The following FOXK2 variants were observed in gnomAD, a reference collection of about 807,000 sequenced individuals.
FOXK2 encodes forkhead box K2.
A neutral mutation model predicts 53.3 loss-of-function variants in FOXK2; 24 were observed. That is an observed-to-expected ratio of 0.45 (90% CI 0.33 to 0.63). The LOEUF is 0.63. Among genes scored for constraint, FOXK2 ranks in the 30% least tolerant of loss-of-function variants. The pLI is 0.03. For missense variants in FOXK2, 952 were observed against 910.5 expected (o/e 1.05, Z -0.59); for synonymous variants, 505 against 407.1 (o/e 1.24, Z -2.89).
rs8069333 is a variant in FOXK2 at position 82,519,773 on chromosome 17, C to G, written c.-116C>G. On this transcript the variant is annotated 5_prime_UTR_variant, in exon 1 of 9. Coordinates refer to ENST00000335255, the MANE Select transcript of FOXK2 (RefSeq NM_004514.4). ...CGCTCGCTCGCCGGCCGGCGGCCTC[C>G]GCTCGGCCCCCTCCCTCAGCTCCGG... 200,645 of 279,964 alleles carry G rather than the reference C, an allele frequency of 0.72. 72,324 individuals carry two copies. The highest frequency in any genetic ancestry group is 0.84 in the South Asian group (6,232 of 7,422). 17.3% of individuals were successfully genotyped at this position (279,964 alleles called of 1,614,324 possible).
chr17:82,567,634 G>A (rs2044866588), intron 2 of FOXK2, among the ~76,000 whole-genome samples: 1 of 140,314 alleles, frequency 7.1e-6, no homozygotes, highest in Non-Finnish European at 1.5e-5. Context: ...CCACCACCCC[G>A]ACTTTCCCTG....
rs752233524 is a variant in FOXK2, at chr17:82,582,817, G to C, written c.986G>C (p.Gly329Ala). The C allele has an allele frequency of 6.2e-7, 1 of 1,612,922 alleles. No individual in the cohort carries two copies. Among genetic ancestry groups the C allele is most frequent in the Admixed American group, 1.7e-5 (1 of 59,794 alleles). ...VPRSQEEPGK[G>A]SFWRIDPASE... ...CGTTCCCAGGAAGAACCAGGCAAAGGCTCGTTCTGGAGGATAGACCCAGCC... is the reference window on the plus strand; with the variant it reads ...CGTTCCCAGGAAGAACCAGGCAAAGCCTCGTTCTGGAGGATAGACCCAGCC... Residue 329 changes from glycine to alanine, a missense_variant, in exon 5 of 9, where the codon GGC becomes GCC. Around this residue, in one of 5 missense-constraint regions of FOXK2, gnomAD observed 160 missense variants for 214.2 expected, o/e 0.75. Transcript: ENST00000335255.
chr17:82,520,129 G>T lies in FOXK2; in HGVS notation c.241G>T (p.Glu81Ter). ...GAGCTTCATCTCCCGGCGCCACCTC[G>T]AGATCTTCACGCCCCCGGGCGGCGG... Reference protein sequence around the residue: ...HSSFISRRHLEIFTPPGGGGH... With the variant: ...HSSFISRRHL Residue 81 changes from glutamate (E) to a stop codon, truncating the protein, a stop_gained, in exon 1 of 9, where the codon GAG becomes TAG. Coordinates refer to ENST00000335255, the MANE Select transcript of FOXK2 (RefSeq NM_004514.4). LOFTEE classifies it high-confidence loss of function. 1.3e-6 allele frequency: 2 copies of T among 1,536,490 alleles called. No homozygotes were observed. Among genetic ancestry groups the T allele is most frequent in the Non-Finnish European group, 1.8e-6 (2 of 1,142,848 alleles).
intron 8 of FOXK2, among the ~76,000 whole-genome samples, chr17:82,588,964 C>A (rs2045226579): frequency 6.6e-6 from 1 of 150,556 alleles, no homozygotes; most frequent in Non-Finnish European, 1.5e-5. Context: ...GAGGCTGAGG[C>A]AGGAGAATCG....
chr17:82,589,691 C>T (rs1231998842), intron 8 of FOXK2, among the ~76,000 whole-genome samples: 4 of 144,670 alleles, frequency 2.8e-5, no homozygotes, highest in African/African-American at 1.1e-4. Context: ...CCTGTTTCCA[C>T]TCAGGAAGGA....
chr17:82,544,762 G>T (rs1204028355), intron 1 of FOXK2, among the ~76,000 whole-genome samples: 1 of 152,158 alleles, frequency 6.6e-6, no homozygotes, highest in Non-Finnish European at 1.5e-5. Flanking sequence ...GCAAGTCGCT[G>T]TGGGAGGGGT....
intron 1 of FOXK2, among the ~76,000 whole-genome samples, chr17:82,541,631 C>T (rs1238049321): frequency 6.6e-6 from 1 of 152,068 alleles, no homozygotes; most frequent in East Asian, 1.9e-4. Context: ...TCAGATATGA[C>T]ACTCAAATGA....
chr17:82,579,174 C>G (rs1004869382), intron 4 of FOXK2, among the ~76,000 whole-genome samples: 1 of 152,184 alleles, frequency 6.6e-6, no homozygotes, highest in Admixed American at 6.5e-5. Context: ...ATATTACCAT[C>G]GTGTGGGTTT....
chr17:82,577,462 G>A (rs1045522626), intron 4 of FOXK2: 9 of 348,618 alleles, frequency 2.6e-5, no homozygotes, highest in African/African-American at 1.3e-4. Flanking sequence ...GCGGGCGGCC[G>A]GGTTAAGGTC....
intron 1 of FOXK2, among the ~76,000 whole-genome samples, chr17:82,562,373 G>A (rs939129176): frequency 3.9e-5 from 6 of 152,198 alleles, no homozygotes; most frequent in African/African-American, 1.4e-4. Flanking sequence ...GTGAGGTCGC[G>A]AGTTCGAGAC....
At chr17:82,523,356 C>T (rs149704800) in intron 1 of FOXK2, among the ~76,000 whole-genome samples, 1 of 152,216 alleles carries the variant, frequency 6.6e-6, no homozygotes, top group Non-Finnish European at 1.5e-5. Context: ...TATTTCAGCA[C>T]TTCCTTTTTT....
At chr17:82,548,195 C>T (rs187707436) in intron 1 of FOXK2, among the ~76,000 whole-genome samples, 3 of 152,322 alleles carry the variant, frequency 2.0e-5, no homozygotes, top group Admixed American at 2.0e-4. Flanking sequence ...ATTTATTTCA[C>T]AGAAAAGCTG....
intron 3 of FOXK2, among the ~76,000 whole-genome samples, chr17:82,569,138 T>C (rs2044885312): frequency 6.6e-6 from 1 of 152,188 alleles, no homozygotes; most frequent in South Asian, 2.1e-4. Context: ...ATATTCCAGA[T>C]GTAATGCTGA....
chr17:82,548,544 T>C (rs1297189842), intron 1 of FOXK2, among the ~76,000 whole-genome samples: 2 of 152,194 alleles, frequency 1.3e-5, no homozygotes, highest in Non-Finnish European at 2.9e-5. Context: ...CTTTGTGAGA[T>C]AGGTGTATTG....
At chr17:82,547,423 C>T (rs1239279807) in intron 1 of FOXK2, among the ~76,000 whole-genome samples, 2 of 151,510 alleles carry the variant, frequency 1.3e-5, no homozygotes, top group Admixed American at 6.6e-5. Flanking sequence ...TATTGGGCCA[C>T]ATTCAAAGCC....
At chr17:82,597,332 C>T (rs976273569) in intron 8 of FOXK2, among the ~76,000 whole-genome samples, 6 of 152,212 alleles carry the variant, frequency 3.9e-5, no homozygotes, top group African/African-American at 4.8e-5. Context: ...GTGCCCAACT[C>T]GTGTGTGTGT....
At chr17:82,575,182 C>G (rs867728476) in intron 4 of FOXK2, among the ~76,000 whole-genome samples, 8 of 152,310 alleles carry the variant, frequency 5.3e-5, no homozygotes, top group South Asian at 2.1e-4. Flanking sequence ...GCCAGTAAAG[C>G]TGTGCCCTGC....
chr17:82,540,339 A>C (rs1308582800), intron 1 of FOXK2, among the ~76,000 whole-genome samples: 1 of 151,932 alleles, frequency 6.6e-6, no homozygotes, highest in Non-Finnish European at 1.5e-5. Flanking sequence ...GATTTGGAGA[A>C]TTGGAGGTAA....
At chr17:82,561,906 G>T (rs1463165753) in intron 1 of FOXK2, among the ~76,000 whole-genome samples, 80 of 1,000 alleles carry the variant, frequency 0.08, no homozygotes, top group East Asian at 0.31. Flanking sequence ...TTCCTCTGTT[G>T]GGGGGGGGGG....
Sources: allele counts gnomAD v4.1 joint callset (sites outside exome capture counted in the v4.1 genomes callset), GRCh38; gene constraint gnomAD v4.1.1; regional missense constraint gnomAD v4.1.1; transcripts MANE v1.5; gene names NCBI Gene and HGNC (gene_info 2026-07-23, HGNC 2026-07-21).